NLRP3: variants seen among roughly 807,000 people sequenced by gnomAD.
NLRP3 encodes the protein NACHT, LRR and PYD domains-containing protein 3.
NLRP3 carries 48 observed loss-of-function variants against 91.3 expected under a neutral mutation model. That is an observed-to-expected ratio of 0.53 (90% CI 0.42 to 0.67). The LOEUF (loss-of-function observed/expected upper bound fraction) is 0.67, where lower values mean the gene tolerates loss of function less well. Ranked by LOEUF, NLRP3 falls within the 30% of genes least tolerant of loss-of-function variation. The pLI, the probability that NLRP3 is intolerant of heterozygous loss-of-function variation, is 0.00. For synonymous variants in NLRP3, 561 were observed against 507.9 expected (o/e 1.10, Z -1.41); for missense variants, 982 against 1,276.9 (o/e 0.77, Z 3.52).
At chr1:247,420,716 C>CA (rs5782425) in intron 2 of NLRP3, among the ~76,000 whole-genome samples, 63 of 145,834 alleles carry the variant, frequency 4.3e-4, no homozygotes, top group African/African-American at 1.5e-3. Flanking sequence ...GACCCTGTTT[C>CA]AAAAAAAAAT....
At chr1:247,427,274 C>A (rs1026428116) in intron 4 of NLRP3, among the ~76,000 whole-genome samples, 2 of 152,160 alleles carry the variant, frequency 1.3e-5, no homozygotes, top group Non-Finnish European at 1.5e-5. Flanking sequence ...TCGCCTGATA[C>A]GTCATGTTGA....
chr1:247,436,805 A>G (rs1159491467), intron 7 of NLRP3, among the ~76,000 whole-genome samples: 1 of 152,192 alleles, frequency 6.6e-6, no homozygotes, highest in South Asian at 2.1e-4. Context: ...ATTCTGCAGT[A>G]AACAGTAGTA....
rs564158017 is a variant in NLRP3 at position 247,428,592 on chromosome 1, C to T, written c.2151-993C>T. Among the ~76,000 whole-genome samples, 24 of 152,210 alleles carry T rather than the reference C, an allele frequency of 1.6e-4. No individual in the cohort carries two copies. In the South Asian group the frequency reaches 4.1e-3, roughly 26 times the overall value. On this transcript the variant is annotated intron_variant, in intron 4 of 9. Coordinates refer to ENST00000336119, the MANE Select transcript of NLRP3 (RefSeq NM_001243133.2). ...CTACCTGAGCAGCAAAGTGAGAGCACCTCTCTACAGAAAAACAAAAGCAAA... is the reference window on the plus strand; with the variant it reads ...CTACCTGAGCAGCAAAGTGAGAGCATCTCTCTACAGAAAAACAAAAGCAAA...
At chr1:247,430,363 T>G (rs1663220587) in intron 5 of NLRP3, among the ~76,000 whole-genome samples, 1 of 152,108 alleles carries the variant, frequency 6.6e-6, no homozygotes, top group South Asian at 2.1e-4. Context: ...CATCTTGCCT[T>G]GGGGGGAAGA....
At chr1:247,422,591 G>A (rs901921556) in intron 2 of NLRP3, among the ~76,000 whole-genome samples, 1 of 152,132 alleles carries the variant, frequency 6.6e-6, no homozygotes, top group Admixed American at 6.5e-5. Flanking sequence ...CTTTTAGTAT[G>A]TGATGGTTCC....
intron 1 of NLRP3, among the ~76,000 whole-genome samples, chr1:247,417,584 C>T (rs543272523): frequency 7.2e-5 from 11 of 152,130 alleles, no homozygotes; most frequent in East Asian, 5.8e-4. Context: ...TGGGTTCAAG[C>T]GATTCTCCTG....
chr1:247,419,280 A>G lies in NLRP3; in HGVS notation c.277+203A>G, dbSNP rs532536030. ...AGCGATTTTCCTGCCTCAGCCTCCC[A>G]AGTAGCTGGGATTACAGGCATTGCA... On this transcript the variant is annotated intron_variant, in intron 2 of 9. Coordinates refer to ENST00000336119, the MANE Select transcript of NLRP3 (RefSeq NM_001243133.2). Among the ~76,000 whole-genome samples the G allele has an allele frequency of 1.3e-4, 20 of 151,712 alleles. No homozygotes were observed. The East Asian group carries it at 3.5e-3, about 27-fold the overall frequency.
chr1:247,423,352 A>G lies in NLRP3; in HGVS notation c.397+3A>G, dbSNP rs1288511217. Reference sequence around the variant, plus strand: ...CTCTATTTGTAAAATGAAGAAAGGTAAGCGACTGGGGTGGTGCTTCTAGTT... The same window carrying G: ...CTCTATTTGTAAAATGAAGAAAGGTGAGCGACTGGGGTGGTGCTTCTAGTT... On this transcript the variant is annotated splice_donor_region_variant and intron_variant, in intron 3 of 9. Coordinates refer to ENST00000336119, the MANE Select transcript of NLRP3 (RefSeq NM_001243133.2). The G allele has an allele frequency of 6.8e-6, 11 of 1,613,396 alleles. No homozygotes were observed. The highest frequency in any genetic ancestry group is 9.3e-6 in the Non-Finnish European group (11 of 1,179,670).
chr1:247,442,517 G>A (rs979055116), intron 7 of NLRP3, among the ~76,000 whole-genome samples: 27 of 152,096 alleles, frequency 1.8e-4, no homozygotes, highest in Admixed American at 1.2e-3. Context: ...CATCGAGATT[G>A]ATGCATTTTT....
In NLRP3 at chr1:247,417,132, T is replaced by C. The variant is rs550656629; in HGVS notation, c.-748-921T>C. 3.9e-5 allele frequency among the ~76,000 whole-genome samples: 6 copies of C among 152,334 alleles called. No homozygotes were observed. In the East Asian group the frequency reaches 9.6e-4, roughly 24 times the overall value. On this transcript the variant is annotated intron_variant, in intron 1 of 9. Coordinates refer to ENST00000336119, the MANE Select transcript of NLRP3 (RefSeq NM_001243133.2). Reference sequence around the variant, plus strand: ...GCAGTGATACACCTGTGATAAATGCTGGGGAAGTGTGTCTTTTAGTCATCT... The same window carrying C: ...GCAGTGATACACCTGTGATAAATGCCGGGGAAGTGTGTCTTTTAGTCATCT...
Position 247,425,710 on chromosome 1 carries a change from C to G in NLRP3, c.2150+111C>G. 1.0e-6 allele frequency: 1 copy of G among 989,480 alleles called. No individual in the cohort carries two copies. Among genetic ancestry groups the G allele is most frequent in the Non-Finnish European group, 1.6e-6 (1 of 643,382 alleles). 61.3% of individuals were successfully genotyped at this position (989,480 alleles called of 1,614,324 possible). Reference sequence around the variant, plus strand: ...TATCTTCCAAATACTGTTGCCACAGCTACATCATAATGCCACCACTGTCTG... The same window carrying G: ...TATCTTCCAAATACTGTTGCCACAGGTACATCATAATGCCACCACTGTCTG... On this transcript the variant is annotated intron_variant, in intron 4 of 9. Transcript: ENST00000336119. This position sits in a 1 kb window ranked among gnomAD's most constrained non-coding sequence, Gnocchi z 4.1.
chr1:247,437,039 A>T (rs1663841487), intron 7 of NLRP3, among the ~76,000 whole-genome samples: 1 of 152,212 alleles, frequency 6.6e-6, no homozygotes, highest in Admixed American at 6.5e-5. Context: ...AGTGGAACTC[A>T]GTGTAGACAA....
intron 4 of NLRP3, among the ~76,000 whole-genome samples, chr1:247,426,808 C>T (rs953755256): frequency 5.3e-5 from 8 of 152,062 alleles, no homozygotes; most frequent in East Asian, 3.9e-4. Context: ...CAGCGGGGCA[C>T]GGGTGGGTGT....
intron 2 of NLRP3, among the ~76,000 whole-genome samples, chr1:247,420,409 T>C (rs987521952): frequency 1.3e-5 from 2 of 149,078 alleles, no homozygotes; most frequent in African/African-American, 2.5e-5. Context: ...GAAGTTAGTA[T>C]GATTTTTTTT....
Position 247,425,737 on chromosome 1 carries a change from T to C in NLRP3, c.2150+138T>C, listed in dbSNP as rs1662827532. 4 of 775,380 alleles carry C rather than the reference T, an allele frequency of 5.2e-6. No individual in the cohort carries two copies. In the South Asian group the frequency reaches 6.0e-5, roughly 12 times the overall value. 48.0% of individuals were successfully genotyped at this position (775,380 alleles called of 1,614,324 possible). A position where few individuals can be genotyped will look rare whatever the true frequency, so the allele number is the denominator to read the frequency against. On this transcript the variant is annotated intron_variant, in intron 4 of 9. Coordinates refer to ENST00000336119, the MANE Select transcript of NLRP3 (RefSeq NM_001243133.2). This position sits in a 1 kb window ranked among gnomAD's most constrained non-coding sequence, Gnocchi z 4.1. Reference sequence around the variant, plus strand: ...ACATCATAATGCCACCACTGTCTGTTTGAGACTCCTTCATGAGCAAAGATT... The same window carrying C: ...ACATCATAATGCCACCACTGTCTGTCTGAGACTCCTTCATGAGCAAAGATT...
intron 4 of NLRP3, among the ~76,000 whole-genome samples, chr1:247,429,013 C>G (rs1164707742): frequency 6.6e-6 from 1 of 152,002 alleles, no homozygotes; most frequent in Non-Finnish European, 1.5e-5. Flanking sequence ...CTGCCTCAGC[C>G]TCCCTAATAG....
intron 3 of NLRP3, 40 bp from the exon 4 acceptor site, chr1:247,423,805 ATG>A: frequency 1.9e-6 from 3 of 1,567,468 alleles, no homozygotes; most frequent in Non-Finnish European, 2.6e-6. Flanking sequence ...TCTCAGGTGG[ATG>A]TGTGTATACT....
intron 2 of NLRP3, among the ~76,000 whole-genome samples, chr1:247,419,654 A>G (rs1008289804): frequency 2.0e-5 from 3 of 152,154 alleles, no homozygotes; most frequent in African/African-American, 2.4e-5. Flanking sequence ...GGTACCTCAT[A>G]TAAGTGGAAA....
intron 5 of NLRP3, among the ~76,000 whole-genome samples, chr1:247,431,211 A>AT (rs529507135): frequency 0.026 from 3,919 of 151,554 alleles, 166 homozygotes; most frequent in African/African-American, 0.089. Context: ...AATAATAATA[A>AT]AAAATGTGCT....
Sources: gnomAD v4.1 joint callset for allele counts (sites outside exome capture counted in the v4.1 genomes callset) on GRCh38, gnomAD v4.1.1 for gene constraint, Gnocchi (gnomAD v3.1) non-coding constraint, MANE v1.5 for transcripts, NCBI Gene and HGNC (gene_info 2026-07-23, HGNC 2026-07-21) for gene names.